ERG: variants seen among roughly 807,000 people sequenced by gnomAD.
ERG encodes the protein ETS transcription factor ERG.
A neutral mutation model predicts 55.3 loss-of-function variants in ERG; 9 were observed. The observed-to-expected ratio is 0.16, with a 90% CI of 0.10 to 0.28. The LOEUF (loss-of-function observed/expected upper bound fraction) is 0.28. Among genes scored for constraint, ERG ranks in the 10% least tolerant of loss-of-function variants. ERG has a pLI of 1.00. For missense variants in ERG, 434 were observed against 631.6 expected, an observed-to-expected ratio of 0.69 and a Z score of 3.35; for synonymous variants, 223 against 237.3, an observed-to-expected ratio of 0.94 and a Z score of 0.55.
Position 38,554,233 on chromosome 21 carries a change from GAATGTAAATT to G in ERG, c.-41+21419_-41+21428del, listed in dbSNP as rs2059843839. 2.0e-5 allele frequency among the ~76,000 whole-genome samples: 3 copies of G among 152,172 alleles called. 1 individual carries two copies. The South Asian group carries it at 6.2e-4, about 32-fold the overall frequency. On this transcript the variant is annotated intron_variant, in intron 2 of 8. Coordinates refer to the ERG transcript ENST00000398897. ...AGGAACAGTTATATGCTGCGTGTGTGAATGTAAATTAGTTCAGACACTGTGGAAAGCAGTT... is the reference window on the plus strand; with the variant it reads ...AGGAACAGTTATATGCTGCGTGTGTGAGTTCAGACACTGTGGAAAGCAGTT...
intron 1 of ERG, among the ~76,000 whole-genome samples, chr21:38,640,211 G>GA (rs943325145): frequency 1.3e-4 from 20 of 152,082 alleles, no homozygotes; most frequent in African/African-American, 4.8e-4. Context: ...TATTGTTTTT[G>GA]AAAAAATCGA....
In ERG at chr21:38,460,745, A is replaced by T. The variant is rs954332618; in HGVS notation, c.19-15124T>A. Reference sequence around the variant, plus strand: ...TGACTTGTGGCAACTGAAAGGAATAACGGCACCAAAGTATTCCCCTGCCCT... The same window carrying T: ...TGACTTGTGGCAACTGAAAGGAATATCGGCACCAAAGTATTCCCCTGCCCT... On this transcript the variant is annotated intron_variant, in intron 1 of 9. Transcript: ENST00000288319. This position sits in a 1 kb window ranked among gnomAD's most constrained non-coding sequence, Gnocchi z 5.0. Among the ~76,000 whole-genome samples the T allele has an allele frequency of 6.6e-6, 1 of 152,208 alleles. No individual in the cohort carries two copies. The highest frequency in any genetic ancestry group is 1.5e-5 in the Non-Finnish European group (1 of 68,034).
chr21:38,462,778 A>C (rs1317470395), intron 1 of ERG, among the ~76,000 whole-genome samples: 1 of 152,184 alleles, frequency 6.6e-6, no homozygotes, highest in Non-Finnish European at 1.5e-5. Flanking sequence ...CACACAGTCT[A>C]CTAAAGAAGC....
Position 38,380,856 on chromosome 21 carries a change from A to T in ERG, c.*2547T>A, listed in dbSNP as rs922843831. On this transcript the variant is annotated 3_prime_UTR_variant, in exon 10 of 10. Transcript: ENST00000288319. ...TTGCTCATGAGACAGTCTTGAAGAG[A>T]GAACTGAGTGATTATCCAAGTAAAT... 22 of 1,065,266 alleles carry T rather than the reference A, an allele frequency of 2.1e-5. No homozygotes were observed. The highest frequency in any genetic ancestry group is 2.5e-5 in the Non-Finnish European group (22 of 879,242). 66.0% of individuals were successfully genotyped at this position (1,065,266 alleles called of 1,614,324 possible).
At position 38,451,655 on chromosome 21, in the gene ERG, G is replaced by A. The variant is rs190890120; in HGVS notation, c.19-6034C>T. On this transcript the variant is annotated intron_variant, in intron 1 of 9. Transcript: ENST00000288319. ...GCAGTAGATGCTTCTAAAAGGTCTA[G>A]TATCTAATTGTATTTGGAGGAGGAA... 1.4e-3 allele frequency among the ~76,000 whole-genome samples: 218 copies of A among 152,290 alleles called. 2 individuals are homozygous for A. Among genetic ancestry groups the A allele is most frequent in the Admixed American group, 0.013 (198 of 15,300 alleles).
chr21:38,428,365 G>A (rs548438830), intron 2 of ERG, among the ~76,000 whole-genome samples: 110 of 152,212 alleles, frequency 7.2e-4, no homozygotes, highest in Middle Eastern at 3.4e-3. Flanking sequence ...CAGGCATTCC[G>A]AGGCTCACAC....
chr21:38,465,481 A>G (rs2059080315), intron 1 of ERG, among the ~76,000 whole-genome samples: 1 of 152,362 alleles, frequency 6.6e-6, no homozygotes, highest in Admixed American at 6.5e-5. Flanking sequence ...TGTTGGATAC[A>G]TGTAAATATA....
chr21:38,573,180 G>A (rs1435195269), intron 2 of ERG, among the ~76,000 whole-genome samples: 4 of 152,246 alleles, frequency 2.6e-5, no homozygotes, highest in Non-Finnish European at 5.9e-5. Flanking sequence ...ATGCACTGCG[G>A]AAAGCCGCAG....
intron 6 of ERG, among the ~76,000 whole-genome samples, chr21:38,399,487 A>G (rs1988382858): frequency 6.6e-6 from 1 of 152,220 alleles, no homozygotes; most frequent in African/African-American, 2.4e-5. Flanking sequence ...GGAAGCATGT[A>G]TGAATATGGA....
intron 2 of ERG, among the ~76,000 whole-genome samples, chr21:38,524,695 A>AT (rs1373753187): frequency 6.6e-6 from 1 of 152,224 alleles, no homozygotes; most frequent in Non-Finnish European, 1.5e-5. Flanking sequence ...AAGATATTAG[A>AT]TTTTCTTTAC....
intron 2 of ERG, among the ~76,000 whole-genome samples, chr21:38,426,957 G>T (rs1200508330): frequency 6.6e-6 from 1 of 151,982 alleles, no homozygotes; most frequent in Non-Finnish European, 1.5e-5. Context: ...ATAGAAACAG[G>T]GGACATTGAG....
rs1204202679 is a variant in ERG, at chr21:38,380,645, AAT to A, written c.*2756_*2757del. ...TAGATTACAACAGTAACAGAGAGTT[AAT>A]GCCATTTTGAAACAATTTAAGAATT... is the stretch of plus-strand genomic sequence containing the variant. On this transcript the variant is annotated 3_prime_UTR_variant, in exon 10 of 10. Coordinates refer to ENST00000288319, the MANE Select transcript of ERG (RefSeq NM_182918.4). 1.9e-6 allele frequency: 2 copies of A among 1,065,102 alleles called. No homozygotes were observed. 66.0% of individuals were successfully genotyped at this position (1,065,102 alleles called of 1,614,324 possible).
the ERG span, among the ~76,000 whole-genome samples, chr21:38,369,410 T>C: frequency 2.6e-5 from 4 of 152,350 alleles, no homozygotes; most frequent in South Asian, 4.1e-4. Context: ...GCCACATGTA[T>C]GTTTTCTTCT....
chr21:38,475,021 G>A (rs1482749555), intron 1 of ERG, among the ~76,000 whole-genome samples: 2 of 152,170 alleles, frequency 1.3e-5, no homozygotes, highest in Non-Finnish European at 2.9e-5. Context: ...GAGGAAAACT[G>A]AGACTCCAAA....
At chr21:38,646,731 A>G (rs2060459143) in intron 1 of ERG, among the ~76,000 whole-genome samples, 1 of 152,126 alleles carries the variant, frequency 6.6e-6, no homozygotes, top group Non-Finnish European at 1.5e-5. Context: ...GTTTCTCTTG[A>G]CAATGGCCCA....
At chr21:38,624,395 G>A (rs1410785179) in intron 1 of ERG, among the ~76,000 whole-genome samples, 4 of 152,146 alleles carry the variant, frequency 2.6e-5, no homozygotes, top group Non-Finnish European at 5.9e-5. Context: ...AACCACCATG[G>A]CACATGTATA....
At chr21:38,480,321 T>C (rs2146646993) in intron 1 of ERG, among the ~76,000 whole-genome samples, 1 of 152,264 alleles carries the variant, frequency 6.6e-6, no homozygotes, top group African/African-American at 2.4e-5. Context: ...AGAGGACTAC[T>C]GTCCAAGCCA....
chr21:38,584,824 T>C (rs908543318), intron 1 of ERG: 3 of 152,186 alleles, frequency 2.0e-5, no homozygotes, highest in African/African-American at 4.8e-5. Context: ...ATAAGATTAT[T>C]TGGGTTCTGT....
At chr21:38,515,476 C>G (rs191777738) in intron 2 of ERG, among the ~76,000 whole-genome samples, 181 of 152,050 alleles carry the variant, frequency 1.2e-3, no homozygotes, top group African/African-American at 4.0e-3. Context: ...GGTTTCACTA[C>G]TAATTCTACC....
Sources: allele counts gnomAD v4.1 joint callset (sites outside exome capture counted in the v4.1 genomes callset), GRCh38; gene constraint gnomAD v4.1.1; non-coding constraint Gnocchi (gnomAD v3.1); transcripts MANE v1.5; gene names NCBI Gene and HGNC (gene_info 2026-07-23, HGNC 2026-07-21).